The following ATP8B4 variants were observed in gnomAD, a reference collection of about 807,000 sequenced individuals.
The protein encoded by ATP8B4 is ATPase phospholipid transporting 8B4 (putative), also known as probable phospholipid-transporting ATPase IM.
In ATP8B4, 133 loss-of-function variants were observed where a neutral mutation model predicts 145.6. That is an observed-to-expected ratio of 0.91 (90% CI 0.79 to 1.05). The LOEUF (loss-of-function observed/expected upper bound fraction) is 1.05. Ranked by LOEUF, ATP8B4 falls within the 50% of genes least tolerant of loss-of-function variation. The pLI, the probability that ATP8B4 is intolerant of heterozygous loss-of-function variation, is 0.00. For synonymous variants in ATP8B4, 507 were observed against 492.9 expected, an observed-to-expected ratio of 1.03 and a Z score of -0.38; for missense variants, 1,458 against 1,425.2, an observed-to-expected ratio of 1.02 and a Z score of -0.37.
intron 9 of ATP8B4, among the ~76,000 whole-genome samples, chr15:49,990,154 A>T (rs1028984423): frequency 1.3e-5 from 2 of 152,102 alleles, no homozygotes; most frequent in Non-Finnish European, 2.9e-5. Flanking sequence ...GTACTGAAAA[A>T]AGGTGAGAGC....
chr15:49,964,071 G>A (rs2153512561), intron 13 of ATP8B4, among the ~76,000 whole-genome samples: 1 of 152,326 alleles, frequency 6.6e-6, no homozygotes, highest in Non-Finnish European at 1.5e-5. Context: ...AGTAAGCATA[G>A]TGGGTTTTTA....
chr15:49,989,697 G>C (rs1176651937), intron 9 of ATP8B4, among the ~76,000 whole-genome samples: 14 of 149,900 alleles, frequency 9.3e-5, no homozygotes, highest in Non-Finnish European at 1.5e-5. Context: ...TGGTCTCGGT[G>C]ATGTAAGTTC....
chr15:49,915,041 T>C (rs2153449417), intron 20 of ATP8B4, among the ~76,000 whole-genome samples: 1 of 152,192 alleles, frequency 6.6e-6, no homozygotes. Flanking sequence ...TAATATCAAA[T>C]ATATATGAAA....
chr15:49,970,265 T>A lies in ATP8B4; in HGVS notation c.1243+2317A>T, dbSNP rs1036269960. Among the ~76,000 whole-genome samples, 5 of 152,320 alleles carry A rather than the reference T, an allele frequency of 3.3e-5. No individual in the cohort carries two copies. The East Asian group carries it at 9.6e-4, about 29-fold the overall frequency. On this transcript the variant is annotated intron_variant, in intron 13 of 27. Transcript: ENST00000284509. ...CTGTTCAACATAGTATTGGAAGTTC[T>A]GACCAGGGCAATCAGGCAAGAGAAC...
intron 2 of ATP8B4, among the ~76,000 whole-genome samples, chr15:50,089,514 G>GA (rs56837131): frequency 0.025 from 3,871 of 152,062 alleles, 158 homozygotes; most frequent in African/African-American, 0.09. Context: ...CAACAAACAT[G>GA]AAAAAAGGCT....
At chr15:50,172,513 C>T (rs1464948951) in intron 1 of ATP8B4, among the ~76,000 whole-genome samples, 1 of 152,266 alleles carries the variant, frequency 6.6e-6, no homozygotes, top group Non-Finnish European at 1.5e-5. Context: ...CTCCCAGCCG[C>T]CTGCCTTGGC....
rs779433161 is a variant in ATP8B4 at position 49,876,327 on chromosome 15, G to A, written c.2978C>T (p.Ser993Phe). Residue 993 changes from serine (S) to phenylalanine (F), a missense_variant, in exon 25 of 28, where the codon TCC becomes TTC. Transcript: ENST00000284509. ...AGATGTGGCCATGGTAACTGCAAAG[G>A]ACTGGTAGTCAGCAATATGTTGCCC... ...EDGQHIADYQ[S>F]FAVTMATSLV... 4 of 1,613,988 alleles carry A rather than the reference G, an allele frequency of 2.5e-6. No individual in the cohort carries two copies. The highest frequency in any genetic ancestry group is 3.4e-6 in the Non-Finnish European group (4 of 1,179,986).
At position 49,906,496 on chromosome 15, in the gene ATP8B4, T is replaced by C. The variant is rs148743900; in HGVS notation, c.2142-5257A>G. Among the ~76,000 whole-genome samples, 682 of 152,302 alleles carry C rather than the reference T, an allele frequency of 4.5e-3. 4 individuals carry two copies. Among genetic ancestry groups the C allele is most frequent in the African/African-American group, 0.016 (654 of 41,570 alleles). ...ACTCAATCGCTCCTTTTCCCACTAC[T>C]ACTAGGACCACAAGTGATCCTCTCC... On this transcript the variant is annotated intron_variant, in intron 20 of 27. Coordinates refer to ENST00000284509, the MANE Select transcript of ATP8B4 (RefSeq NM_024837.4).
chr15:49,897,990 A>G, intron 22 of ATP8B4, 78 bp downstream of exon 22: 1 of 1,484,398 alleles, frequency 6.7e-7, no homozygotes, highest in Non-Finnish European at 9.3e-7. Flanking sequence ...AATGCAATCT[A>G]GTGATTATAT....
intron 3 of ATP8B4, among the ~76,000 whole-genome samples, chr15:50,067,861 T>C (rs2053485528): frequency 6.6e-6 from 1 of 152,166 alleles, no homozygotes; most frequent in South Asian, 2.1e-4. Context: ...GCAAATACTG[T>C]TTGGAAAATA....
chr15:50,019,479 T>A (rs1330263151), intron 6 of ATP8B4, among the ~76,000 whole-genome samples: 1 of 152,240 alleles, frequency 6.6e-6, no homozygotes, highest in Non-Finnish European at 1.5e-5. Flanking sequence ...ATGAAATAGA[T>A]TCATTAAAGC....
rs150358448 is a variant in ATP8B4, at chr15:49,876,437, G to A, written c.2868C>T (p.Phe956=). 9.3e-6 allele frequency: 15 copies of A among 1,613,268 alleles called. No individual in the cohort carries two copies. The Admixed American group carries it at 2.3e-4, about 25-fold the overall frequency. Residue 956 remains phenylalanine, a synonymous_variant, in exon 25 of 28, where the codon TTC becomes TTT. Transcript: ENST00000284509. Reference sequence around the variant, plus strand: ...TGTAGATTCCATGCAACACGCAAATGAAAAATTTACGCTTGTTAAAAAGCA... The same window carrying A: ...TGTAGATTCCATGCAACACGCAAATAAAAAATTTACGCTTGTTAAAAAGCA... The part of the protein sequence containing the change: ...LNLLFNKRKF[F]ICVLHGIYTS...
chr15:49,862,842 G>A (rs554618408), intron 26 of ATP8B4, among the ~76,000 whole-genome samples: 12 of 152,272 alleles, frequency 7.9e-5, no homozygotes, highest in East Asian at 1.9e-4. Context: ...CCTCAGGAAC[G>A]GCTTAGTGGC....
At chr15:50,168,485 C>T (rs987051679) in intron 1 of ATP8B4, among the ~76,000 whole-genome samples, 10 of 152,050 alleles carry the variant, frequency 6.6e-5, no homozygotes, top group East Asian at 1.9e-4. Flanking sequence ...TTTGGAGAGC[C>T]GAGTGAAATA....
At chr15:50,062,679 T>C (rs889823447) in intron 3 of ATP8B4, among the ~76,000 whole-genome samples, 7 of 152,184 alleles carry the variant, frequency 4.6e-5, no homozygotes, top group African/African-American at 1.4e-4. Flanking sequence ...AGAACTTCTT[T>C]TGCCAGAGAA....
intron 14 of ATP8B4, among the ~76,000 whole-genome samples, chr15:49,956,956 A>G (rs2043623972): frequency 6.6e-6 from 1 of 152,224 alleles, no homozygotes; most frequent in African/African-American, 2.4e-5. Flanking sequence ...TGGTGGACAC[A>G]AAATATCTTT....
At chr15:49,873,743 C>T (rs1566907029) in intron 25 of ATP8B4, among the ~76,000 whole-genome samples, 1 of 152,120 alleles carries the variant, frequency 6.6e-6, no homozygotes, top group South Asian at 2.1e-4. Flanking sequence ...GGAGGTGTGG[C>T]GACCGCAGCA....
At chr15:50,055,458 T>C (rs1422589219) in intron 3 of ATP8B4, among the ~76,000 whole-genome samples, 1 of 152,202 alleles carries the variant, frequency 6.6e-6, no homozygotes, top group African/African-American at 2.4e-5. Flanking sequence ...CCAAATGAGC[T>C]CAGCAGTTGT....
Position 49,933,997 on chromosome 15 carries a change from A to G in ATP8B4, c.1453+20T>C. 6.6e-7 allele frequency: 1 copy of G among 1,506,066 alleles called. No individual in the cohort carries two copies. The highest frequency in any genetic ancestry group is 1.8e-4 in the Middle Eastern group (1 of 5,690). The allele number at this position is 1,506,066 out of a possible 1,614,324, so 93.3% of individuals were successfully genotyped here. Reference sequence around the variant, plus strand: ...AAAACAAAAACAAGGTTCACCACTCAGACATAACTTTTCACTTACCTGCGC... The same window carrying G: ...AAAACAAAAACAAGGTTCACCACTCGGACATAACTTTTCACTTACCTGCGC... On this transcript the variant is annotated intron_variant, in intron 15 of 27. Coordinates refer to ENST00000284509, the MANE Select transcript of ATP8B4 (RefSeq NM_024837.4).
Sources: allele counts gnomAD v4.1 joint callset (sites outside exome capture counted in the v4.1 genomes callset), GRCh38; gene constraint gnomAD v4.1.1; transcripts MANE v1.5; gene names NCBI Gene and HGNC (gene_info 2026-07-23, HGNC 2026-07-21).